The following CADM2 variants were observed in gnomAD, a reference collection of about 807,000 sequenced individuals.
CADM2 encodes the protein immunoglobulin superfamily member 4D.
CADM2 carries 12 observed loss-of-function variants against 49.8 expected under a neutral mutation model. That is an observed-to-expected ratio of 0.24 (90% CI 0.15 to 0.39). The LOEUF (loss-of-function observed/expected upper bound fraction) is 0.39, where lower values mean the gene tolerates loss of function less well. Ranked by LOEUF, CADM2 falls within the 10% of genes least tolerant of loss-of-function variation. The pLI is 1.00. For missense variants in CADM2, 378 were observed against 492.3 expected (o/e 0.77, Z 2.20); for synonymous variants, 214 against 175.4 (o/e 1.22, Z -1.74).
At chr3:85,416,684 A>G (rs1285853668) in intron 1 of CADM2, among the ~76,000 whole-genome samples, 3 of 152,146 alleles carry the variant, frequency 2.0e-5, no homozygotes, top group Admixed American at 2.0e-4. Flanking sequence ...ATACGAAAAA[A>G]ATTTCACAAA....
At chr3:85,905,377 C>G (rs939891498) in intron 5 of CADM2, among the ~76,000 whole-genome samples, 1 of 152,070 alleles carries the variant, frequency 6.6e-6, no homozygotes, top group Non-Finnish European at 1.5e-5. Flanking sequence ...AAGAGATAAA[C>G]TACAAAGAAA....
intron 8 of CADM2, among the ~76,000 whole-genome samples, chr3:86,063,271 C>T (rs1190570661): frequency 6.6e-6 from 1 of 152,158 alleles, no homozygotes; most frequent in Non-Finnish European, 1.5e-5. Flanking sequence ...TCCTCTCCAT[C>T]GCATACACAA....
intron 2 of CADM2, among the ~76,000 whole-genome samples, chr3:85,746,386 T>C (rs2068621332): frequency 6.6e-6 from 1 of 152,168 alleles, no homozygotes; most frequent in African/African-American, 2.4e-5. Flanking sequence ...ACCTACTCAT[T>C]GAAAACAAAG....
chr3:85,121,651 A>G (rs1439148645), intron 1 of CADM2, among the ~76,000 whole-genome samples: 1 of 152,196 alleles, frequency 6.6e-6, no homozygotes, highest in Admixed American at 6.5e-5. Flanking sequence ...GTTATTTAGT[A>G]TTCAATACCA....
At chr3:85,670,652 G>C (rs550095343) in intron 1 of CADM2, among the ~76,000 whole-genome samples, 68 of 152,274 alleles carry the variant, frequency 4.5e-4, no homozygotes, top group African/African-American at 1.6e-3. Flanking sequence ...AACTTGAAAT[G>C]TTAACATAAA....
chr3:85,846,177 G>T (rs2074870982), intron 3 of CADM2, among the ~76,000 whole-genome samples: 1 of 151,994 alleles, frequency 6.6e-6, no homozygotes, highest in African/African-American at 2.4e-5. Context: ...AAGAATAGAA[G>T]GTTTTTACTA....
At chr3:85,949,986 A>T (rs960953880) in intron 7 of CADM2, among the ~76,000 whole-genome samples, 2 of 151,146 alleles carry the variant, frequency 1.3e-5, no homozygotes, top group African/African-American at 4.8e-5. Flanking sequence ...CTTATGATGT[A>T]CGCAGGTTGA....
At chr3:85,885,851 CAAA>C (rs34486931) in intron 4 of CADM2, among the ~76,000 whole-genome samples, 2 of 91,504 alleles carry the variant, frequency 2.2e-5, no homozygotes, top group Admixed American at 1.4e-4. Flanking sequence ...GATCCTGTCT[CAAA>C]AAAAAAAAAA....
intron 1 of CADM2, among the ~76,000 whole-genome samples, chr3:85,027,968 T>G (rs1194284659): frequency 3.3e-5 from 5 of 152,132 alleles, no homozygotes; most frequent in Non-Finnish European, 2.9e-5. Context: ...TACAGAATTT[T>G]TTTTCTTTTT....
chr3:85,638,747 C>A (rs2064602293), intron 1 of CADM2, among the ~76,000 whole-genome samples: 1 of 152,030 alleles, frequency 6.6e-6, no homozygotes, highest in Non-Finnish European at 1.5e-5. Flanking sequence ...CTTTCTTTAT[C>A]TCTAAAGGTT....
At chr3:85,347,632 T>C (rs1576391777) in intron 1 of CADM2, among the ~76,000 whole-genome samples, 1 of 48,688 alleles carries the variant, frequency 2.1e-5, no homozygotes, top group Admixed American at 2.8e-4. Context: ...TATATATAAA[T>C]ATATATACAT....
chr3:85,444,217 C>T (rs1176202663), intron 1 of CADM2, among the ~76,000 whole-genome samples: 2 of 152,116 alleles, frequency 1.3e-5, no homozygotes, highest in Admixed American at 6.6e-5. Context: ...GGCTTCTATT[C>T]TTGAGCTTGC....
At chr3:85,487,415 C>T (rs573057014) in intron 1 of CADM2, among the ~76,000 whole-genome samples, 1 of 152,208 alleles carries the variant, frequency 6.6e-6, no homozygotes, top group African/African-American at 2.4e-5. Flanking sequence ...CCTGTAGTCC[C>T]AGCTACTTGG....
chr3:85,751,171 A>G (rs1204877511), intron 2 of CADM2, among the ~76,000 whole-genome samples: 1 of 152,150 alleles, frequency 6.6e-6, no homozygotes, highest in Admixed American at 6.6e-5. Context: ...ATGGTGGTGG[A>G]GGTGATAGAA....
chr3:85,670,058 T>C (rs2065690907), intron 1 of CADM2, among the ~76,000 whole-genome samples: 1 of 152,100 alleles, frequency 6.6e-6, no homozygotes, highest in Non-Finnish European at 1.5e-5. Context: ...TGAAAAAAAT[T>C]AGATTAGAAG....
At chr3:85,539,918 A>G (rs2061503844) in intron 1 of CADM2, among the ~76,000 whole-genome samples, 1 of 152,130 alleles carries the variant, frequency 6.6e-6, no homozygotes, top group Non-Finnish European at 1.5e-5. Context: ...TGTCATGTAG[A>G]AAGTTCAATA....
At chr3:85,840,463 T>C (rs1448658437) in intron 3 of CADM2, among the ~76,000 whole-genome samples, 2 of 151,932 alleles carry the variant, frequency 1.3e-5, no homozygotes, top group Non-Finnish European at 2.9e-5. Context: ...CACATACTTA[T>C]AATTCTGATT....
At chr3:85,915,149 T>C (rs1718115514) in intron 6 of CADM2, among the ~76,000 whole-genome samples, 1 of 152,164 alleles carries the variant, frequency 6.6e-6, no homozygotes, top group African/African-American at 2.4e-5. Flanking sequence ...ATGGAAGTAT[T>C]ATACAATTCT....
intron 2 of CADM2, among the ~76,000 whole-genome samples, chr3:85,744,260 T>C (rs1278796801): frequency 1.3e-5 from 2 of 152,060 alleles, no homozygotes; most frequent in Non-Finnish European, 2.9e-5. Context: ...TGGGTACAAA[T>C]AAATAGTTAC....
Sources: allele counts gnomAD v4.1 joint callset (sites outside exome capture counted in the v4.1 genomes callset), GRCh38; gene constraint gnomAD v4.1.1; transcripts MANE v1.5; gene names NCBI Gene and HGNC (gene_info 2026-07-23, HGNC 2026-07-21).